RAPGEF5: variants seen among roughly 807,000 people sequenced by gnomAD.
The protein encoded by RAPGEF5 is Rap guanine nucleotide exchange factor 5.
Under a neutral mutation model 125.2 loss-of-function variants are expected in RAPGEF5, and 65 were observed. The ratio of observed to expected loss-of-function variants is 0.52; its 90% CI spans 0.43 to 0.64. RAPGEF5 has a LOEUF of 0.64. Ranked by LOEUF, RAPGEF5 falls within the 30% of genes least tolerant of loss-of-function variation. The pLI is 0.00. For synonymous variants in RAPGEF5, 391 were observed against 385.9 expected, an observed-to-expected ratio of 1.01 and a Z score of -0.16; for missense variants, 958 against 1,048.1, an observed-to-expected ratio of 0.91 and a Z score of 1.19.
intron 1 of RAPGEF5, among the ~76,000 whole-genome samples, chr7:22,333,969 A>G (rs190691244): frequency 6.7e-6 from 1 of 149,660 alleles, no homozygotes; most frequent in Non-Finnish European, 1.5e-5. Context: ...GGCAAAGGAG[A>G]GTCGGCTGCG....
chr7:22,164,887 G>C (rs1486662477), intron 12 of RAPGEF5, among the ~76,000 whole-genome samples: 1 of 152,068 alleles, frequency 6.6e-6, no homozygotes, highest in Admixed American at 6.6e-5. Flanking sequence ...TCTAAAACCA[G>C]CACAAATAGC....
intron 1 of RAPGEF5, among the ~76,000 whole-genome samples, chr7:22,330,842 C>G (rs904518108): frequency 6.6e-6 from 1 of 152,136 alleles, no homozygotes. Context: ...TGGTCAATGT[C>G]GTTTTTAGTA....
At chr7:22,306,647 CA>C (rs1361595806) in intron 5 of RAPGEF5, among the ~76,000 whole-genome samples, 1 of 152,166 alleles carries the variant, frequency 6.6e-6, no homozygotes, top group African/African-American at 2.4e-5. Context: ...TTACCCAGAT[CA>C]ATTTCCTGAA....
At chr7:22,345,959 C>A (rs1371960409) in intron 1 of RAPGEF5, among the ~76,000 whole-genome samples, 1 of 152,082 alleles carries the variant, frequency 6.6e-6, no homozygotes, top group Non-Finnish European at 1.5e-5. Context: ...TTAATTAGAT[C>A]CCTTTCCCAT....
chr7:22,143,482 A>G (rs1463205275), intron 20 of RAPGEF5, among the ~76,000 whole-genome samples: 2 of 152,182 alleles, frequency 1.3e-5, no homozygotes, highest in East Asian at 3.9e-4. Flanking sequence ...TCTGAAATTC[A>G]AGATCTTTTA....
At chr7:22,241,539 CA>C (rs1373712871) in intron 7 of RAPGEF5, among the ~76,000 whole-genome samples, 1 of 152,182 alleles carries the variant, frequency 6.6e-6, no homozygotes, top group Non-Finnish European at 1.5e-5. Context: ...ATTATTCCTA[CA>C]ATACTTCTTG....
At chr7:22,163,405 T>G (rs1253125383) in intron 12 of RAPGEF5, among the ~76,000 whole-genome samples, 1 of 152,174 alleles carries the variant, frequency 6.6e-6, no homozygotes, top group Non-Finnish European at 1.5e-5. Context: ...CAATGTATTG[T>G]TGAGTAGAAA....
intron 1 of RAPGEF5, among the ~76,000 whole-genome samples, chr7:22,348,699 C>T (rs1403258660): frequency 6.6e-6 from 1 of 152,170 alleles, no homozygotes; most frequent in Non-Finnish European, 1.5e-5. Context: ...CTCATGAAGA[C>T]AGAGGGTACA....
intron 16 of RAPGEF5, among the ~76,000 whole-genome samples, chr7:22,155,088 T>G (rs566038946): frequency 5.4e-4 from 82 of 152,356 alleles, no homozygotes; most frequent in African/African-American, 1.9e-3. Flanking sequence ...ACACCGTATT[T>G]TGCTATTAGA....
intron 19 of RAPGEF5, among the ~76,000 whole-genome samples, chr7:22,145,908 A>C (rs1783421881): frequency 6.6e-6 from 1 of 152,200 alleles, no homozygotes; most frequent in Admixed American, 6.5e-5. Context: ...GTAACTATTT[A>C]TATAGATGGA....
intron 5 of RAPGEF5, among the ~76,000 whole-genome samples, chr7:22,297,798 G>A (rs902399900): frequency 6.6e-6 from 1 of 152,150 alleles, no homozygotes; most frequent in Non-Finnish European, 1.5e-5. Flanking sequence ...GAGTGGAAGA[G>A]GTGTACTAAG....
intron 1 of RAPGEF5, among the ~76,000 whole-genome samples, chr7:22,335,576 T>G (rs1165880372): frequency 6.6e-6 from 1 of 151,600 alleles, no homozygotes; most frequent in African/African-American, 2.4e-5. Flanking sequence ...GGGTGGGGCA[T>G]CTACTTCCAT....
Position 22,294,321 on chromosome 7 carries a change from A to C in RAPGEF5, c.681-3080T>G, listed in dbSNP as rs140387222. Among the ~76,000 whole-genome samples the C allele has an allele frequency of 3.3e-3, 499 of 152,276 alleles. 4 individuals carry two copies. Among genetic ancestry groups the C allele is most frequent in the African/African-American group, 0.011 (454 of 41,566 alleles). Reference sequence around the variant, plus strand: ...ATGCCAACAGATGCTCTCCTTTAGGAATTCCCTGGGTTACCTTTCAAGGTC... The same window carrying C: ...ATGCCAACAGATGCTCTCCTTTAGGCATTCCCTGGGTTACCTTTCAAGGTC... On this transcript the variant is annotated intron_variant, in intron 5 of 25. Transcript: ENST00000665637.
At chr7:22,242,923 G>C (rs1418325494) in intron 7 of RAPGEF5, among the ~76,000 whole-genome samples, 1 of 144,084 alleles carries the variant, frequency 6.9e-6, no homozygotes, top group Admixed American at 7.0e-5. Context: ...CTCCAACCTA[G>C]GCAACAAGAG....
Position 22,248,679 on chromosome 7 carries a change from T to C in RAPGEF5, c.797-17760A>G, listed in dbSNP as rs1786541232. ...GCAGGGAAGCTTGCTTTCTTAGGCA[T>C]AAGTGATAAACGCGTGTCTGCTCTG... On this transcript the variant is annotated intron_variant, in intron 7 of 25. Transcript: ENST00000665637. 2.6e-5 allele frequency among the ~76,000 whole-genome samples: 4 copies of C among 152,196 alleles called. No homozygotes were observed. The South Asian group carries it at 8.3e-4, about 32-fold the overall frequency.
chr7:22,194,109 C>G lies in RAPGEF5; in HGVS notation c.997-76G>C, dbSNP rs767036813. 377 of 1,237,556 alleles carry G rather than the reference C, an allele frequency of 3.0e-4. 5 individuals carry two copies. Among genetic ancestry groups the G allele is most frequent in the Middle Eastern group, 2.5e-3 (13 of 5,162 alleles). The allele number at this position is 1,237,556 out of a possible 1,614,324, so 76.7% of individuals were successfully genotyped here. ...AATTAAAAGTGGGGGGAAAATGGAG[C>G]TAACTCAAGCTGTATTTTCTAGAGT... On this transcript the variant is annotated intron_variant, in intron 9 of 25. Coordinates refer to ENST00000665637, the MANE Select transcript of RAPGEF5 (RefSeq NM_012294.5).
chr7:22,322,927 T>C (rs73282280), intron 1 of RAPGEF5, among the ~76,000 whole-genome samples: 6,512 of 152,306 alleles, frequency 0.043, 170 homozygotes, highest in East Asian at 0.088. Flanking sequence ...TCATCCACTT[T>C]AGCTATGGGG....
chr7:22,131,205 T>A, intron 23 of RAPGEF5, 104 bp from the exon 24 acceptor site: 1 of 1,351,282 alleles, frequency 7.4e-7, no homozygotes, highest in East Asian at 2.7e-5. Flanking sequence ...TTCCTAAACA[T>A]TATGGATCAT....
At chr7:22,168,462 T>C (rs1442309994) in intron 11 of RAPGEF5, among the ~76,000 whole-genome samples, 1 of 152,230 alleles carries the variant, frequency 6.6e-6, no homozygotes, top group Non-Finnish European at 1.5e-5. Flanking sequence ...TATTTTGTTA[T>C]AGCAGCTTGA....
Sources: gnomAD v4.1 joint callset for allele counts (sites outside exome capture counted in the v4.1 genomes callset) on GRCh38, gnomAD v4.1.1 for gene constraint, MANE v1.5 for transcripts, NCBI Gene and HGNC (gene_info 2026-07-23, HGNC 2026-07-21) for gene names.